ASB3: variants seen among roughly 807,000 people sequenced by gnomAD.
ASB3 encodes ankyrin repeat and SOCS box protein 3.
A neutral mutation model predicts 54.5 loss-of-function variants in ASB3; 41 were observed. The ratio of observed to expected loss-of-function variants is 0.75; its 90% CI spans 0.59 to 0.98. The LOEUF (loss-of-function observed/expected upper bound fraction) is 0.98. ASB3 is among the 50% of genes least tolerant of loss of function. ASB3 has a pLI of 0.00. For synonymous variants in ASB3, 266 were observed against 221.2 expected (o/e 1.20, Z -1.80); for missense variants, 733 against 620.0 (o/e 1.18, Z -1.94).
At chr2:53,763,311 G>C (rs1202755609) in intron 2 of ASB3, among the ~76,000 whole-genome samples, 1 of 152,100 alleles carries the variant, frequency 6.6e-6, no homozygotes, top group Non-Finnish European at 1.5e-5. Flanking sequence ...GTGAGCTGAG[G>C]TCGCACCACT....
At chr2:53,778,840 A>G (rs574885461) in intron 1 of ASB3, among the ~76,000 whole-genome samples, 4 of 152,332 alleles carry the variant, frequency 2.6e-5, no homozygotes, top group African/African-American at 9.6e-5. Context: ...TAATGCTGCA[A>G]TGAACATGGG....
rs569509681 is a variant in ASB3 at position 53,673,439 on chromosome 2, T to C, written c.1370-2749A>G. On this transcript the variant is annotated intron_variant, in intron 9 of 9. Transcript: ENST00000263634. ...TTCCTCCAGATACCCTAAAACTTAA[T>C]GTAGTGCTGACCAGCTTTTCTAGAT... is the stretch of plus-strand genomic sequence containing the variant. Among the ~76,000 whole-genome samples the C allele has an allele frequency of 2.7e-4, 41 of 152,352 alleles. 1 individual carries two copies. In the South Asian group the frequency reaches 7.9e-3, roughly 29 times the overall value.
intron 9 of ASB3, among the ~76,000 whole-genome samples, chr2:53,685,535 T>C (rs1271637804): frequency 6.6e-6 from 1 of 152,220 alleles, no homozygotes; most frequent in Non-Finnish European, 1.5e-5. Context: ...ACTTAGCATA[T>C]TCTAACCTCC....
intron 7 of ASB3, among the ~76,000 whole-genome samples, chr2:53,703,916 ACTAT>A (rs1186804502): frequency 3.3e-5 from 5 of 152,218 alleles, no homozygotes; most frequent in South Asian, 2.1e-4. Context: ...CATTAAACTT[ACTAT>A]CTATTACCAA....
At chr2:53,687,891 C>T (rs542014967) in intron 9 of ASB3, among the ~76,000 whole-genome samples, 1 of 152,190 alleles carries the variant, frequency 6.6e-6, no homozygotes, top group Non-Finnish European at 1.5e-5. Flanking sequence ...ACACGGCTCA[C>T]TGCAGCCTTG....
At chr2:53,705,404 A>T (rs1443787777) in intron 7 of ASB3, among the ~76,000 whole-genome samples, 1 of 152,176 alleles carries the variant, frequency 6.6e-6, no homozygotes. Context: ...CAAAAAAAAC[A>T]AAACTAAGTT....
intron 3 of ASB3, among the ~76,000 whole-genome samples, chr2:53,737,709 G>C (rs1465437594): frequency 7.3e-6 from 1 of 137,470 alleles, no homozygotes; most frequent in Non-Finnish European, 1.5e-5. Flanking sequence ...AATTGTCCAG[G>C]ACGTTTTAAA....
Position 53,700,527 on chromosome 2 carries a change from A to C in ASB3, c.982T>G (p.Cys328Gly). The C allele has an allele frequency of 6.3e-7, 1 of 1,584,490 alleles. No homozygotes were observed. ...ATGTTCACAATTCCAAAGAACTCAC[A>C]GCTCCACCATAAAAAATAAAAACAA... is the stretch of plus-strand genomic sequence containing the variant. ...SPVCMAFQKDCEFFGIVNILL... is the reference protein window; with the variant it reads ...SPVCMAFQKDGEFFGIVNILL... Residue 328 changes from cysteine (C) to glycine (G), a missense_variant and splice_region_variant, in exon 8 of 10, where the codon TGT becomes GGT. Transcript: ENST00000263634.
intron 5 of ASB3, among the ~76,000 whole-genome samples, chr2:53,720,639 G>C (rs1490985532): frequency 6.6e-6 from 1 of 152,172 alleles, no homozygotes; most frequent in Non-Finnish European, 1.5e-5. Context: ...AATGTTGGGA[G>C]ATGTCAAATC....
chr2:53,699,585 T>C (rs952051248), intron 8 of ASB3, among the ~76,000 whole-genome samples: 5 of 152,224 alleles, frequency 3.3e-5, no homozygotes, highest in Non-Finnish European at 5.9e-5. Flanking sequence ...TTCTATAAAA[T>C]AACAAGTCCT....
At chr2:53,739,872 C>T (rs1240843201) in intron 3 of ASB3, among the ~76,000 whole-genome samples, 1 of 152,054 alleles carries the variant, frequency 6.6e-6, no homozygotes, top group Admixed American at 6.6e-5. Flanking sequence ...CAAGGTCTTG[C>T]TATGTTGCCT....
intron 9 of ASB3, among the ~76,000 whole-genome samples, chr2:53,673,391 A>C (rs1667919448): frequency 6.6e-6 from 1 of 152,214 alleles, no homozygotes. Flanking sequence ...CTGGCTTAAA[A>C]TTCTATGGGC....
chr2:53,744,811 A>T (rs1170340092), intron 3 of ASB3, among the ~76,000 whole-genome samples: 1 of 152,258 alleles, frequency 6.6e-6, no homozygotes, highest in East Asian at 1.9e-4. Flanking sequence ...ATATGTCAGC[A>T]GAGTCAAAGT....
intron 2 of ASB3, chr2:53,763,474 C>G (rs1466877481): frequency 5.9e-6 from 1 of 169,308 alleles, no homozygotes; most frequent in East Asian, 1.9e-4. Context: ...CAGATACAGA[C>G]GGCTGACCTT....
intron 7 of ASB3, among the ~76,000 whole-genome samples, chr2:53,705,637 G>A (rs1408173306): frequency 1.3e-5 from 2 of 151,984 alleles, no homozygotes; most frequent in Admixed American, 1.3e-4. Context: ...GGAAGTTTTT[G>A]GCAATTATTA....
At chr2:53,759,910 G>A (rs1288760752) in intron 2 of ASB3, among the ~76,000 whole-genome samples, 1 of 152,088 alleles carries the variant, frequency 6.6e-6, no homozygotes, top group African/African-American at 2.4e-5. Context: ...CCCCGGGTAT[G>A]CTTGATCATT....
chr2:53,761,884 C>T (rs1673167481), intron 2 of ASB3, among the ~76,000 whole-genome samples: 2 of 152,198 alleles, frequency 1.3e-5, no homozygotes, highest in South Asian at 4.1e-4. Context: ...TTCACTGAAT[C>T]ACTAGTTATA....
rs115207309 is a variant in ASB3, at chr2:53,679,261, C to A, written c.1370-8571G>T. On this transcript the variant is annotated intron_variant, in intron 9 of 9. Coordinates refer to ENST00000263634, the MANE Select transcript of ASB3 (RefSeq NM_016115.5). ...GTTCCACTTCCAACCTCTACCAGAC[C>A]TGCAGGGTTTTGCTCTGCAAATCTT... Among the ~76,000 whole-genome samples the A allele has an allele frequency of 8.8e-3, 1,345 of 152,286 alleles. 20 individuals carry two copies. The highest frequency in any genetic ancestry group is 0.048 in the Admixed American group (735 of 15,294).
intron 7 of ASB3, among the ~76,000 whole-genome samples, chr2:53,706,459 G>GC (rs1313243019): frequency 6.7e-6 from 1 of 148,208 alleles, no homozygotes; most frequent in Non-Finnish European, 1.5e-5. Flanking sequence ...TTTTTTTTTT[G>GC]TTTTTTGAAT....
Sources: gnomAD v4.1 joint callset for allele counts (sites outside exome capture counted in the v4.1 genomes callset) on GRCh38, gnomAD v4.1.1 for gene constraint, MANE v1.5 for transcripts, NCBI Gene and HGNC (gene_info 2026-07-23, HGNC 2026-07-21) for gene names.